Variants in AGPS observed in about 807,000 individuals in gnomAD.
The protein encoded by AGPS is alkyldihydroxyacetonephosphate synthase, peroxisomal.
In AGPS, 26 loss-of-function variants were observed where a neutral mutation model predicts 90.7. The observed-to-expected ratio is 0.29, with a 90% CI of 0.21 to 0.40. The LOEUF is 0.40. AGPS is among the 10% of genes least tolerant of loss of function. AGPS has a pLI of 1.00. For missense variants in AGPS, 540 were observed against 816.1 expected (o/e 0.66, Z 4.12); for synonymous variants, 294 against 285.3 (o/e 1.03, Z -0.31).
At chr2:177,511,192 T>A (rs564983616) in intron 16 of AGPS, among the ~76,000 whole-genome samples, 3 of 152,258 alleles carry the variant, frequency 2.0e-5, no homozygotes, top group Admixed American at 2.0e-4. Context: ...CTTGACTGCC[T>A]GGGCTCAAAT....
At chr2:177,402,664 C>T (rs976083509) in intron 1 of AGPS, among the ~76,000 whole-genome samples, 1 of 152,126 alleles carries the variant, frequency 6.6e-6, no homozygotes, top group African/African-American at 2.4e-5. Context: ...TTAAAACATA[C>T]GGTTAAGTGC....
intron 17 of AGPS, among the ~76,000 whole-genome samples, chr2:177,519,966 C>G (rs980928180): frequency 6.6e-6 from 1 of 152,186 alleles, no homozygotes; most frequent in African/African-American, 2.4e-5. Context: ...ATTATTCATG[C>G]CTCCCCTTTT....
chr2:177,393,534 G>C, intron 1 of AGPS: 1 of 985,312 alleles, frequency 1.0e-6, no homozygotes, highest in Non-Finnish European at 1.2e-6. Context: ...TGGTTTCTGT[G>C]GGGTAAGTTC....
At chr2:177,477,788 C>G (rs1236073978) in intron 10 of AGPS, among the ~76,000 whole-genome samples, 7 of 152,114 alleles carry the variant, frequency 4.6e-5, no homozygotes, top group African/African-American at 1.2e-4. Flanking sequence ...CTTTCACTCA[C>G]TTCTTTTGTG....
Position 177,482,103 on chromosome 2 carries a change from G to T in AGPS, c.1150G>T (p.Val384Phe). ...AGAAGCTACAATAAAAATCAGACCA[G>T]TCCCTGAATACCAAAAGTATGGCTC... ...ITEATIKIRPVPEYQKYGSVA... is the reference protein window; with the variant it reads ...ITEATIKIRPFPEYQKYGSVA... The change falls in exon 11 of 20, where the codon GTC (valine) becomes TTC (phenylalanine). Residue 384 changes from valine (V) to phenylalanine (F), a missense_variant. Val to Phe is a conservative substitution (Grantham distance 50, BLOSUM62 -1). Coordinates refer to ENST00000264167, the MANE Select transcript of AGPS (RefSeq NM_003659.4). 1 of 1,605,414 alleles carries T rather than the reference G, an allele frequency of 6.2e-7. No homozygotes were observed. Among genetic ancestry groups the T allele is most frequent in the Non-Finnish European group, 8.5e-7 (1 of 1,174,406 alleles).
chr2:177,530,290 A>T (rs938657940), intron 19 of AGPS, among the ~76,000 whole-genome samples: 2 of 152,344 alleles, frequency 1.3e-5, no homozygotes, highest in South Asian at 4.1e-4. Flanking sequence ...TGTTATTTTC[A>T]TAATAGCTTT....
intron 8 of AGPS, among the ~76,000 whole-genome samples, chr2:177,458,716 G>A (rs1304310392): frequency 2.0e-5 from 3 of 152,164 alleles, no homozygotes; most frequent in Non-Finnish European, 4.4e-5. Context: ...TCATGGATAG[G>A]AAGAATCAAT....
rs370124842 is a variant in AGPS at position 177,392,815 on chromosome 2, G to C, written c.26G>C (p.Gly9Ala). 4 of 1,541,182 alleles carry C rather than the reference G, an allele frequency of 2.6e-6. No individual in the cohort carries two copies. The African/African-American group carries it at 5.6e-5, about 22-fold the overall frequency. MAEAAAAA[G>A]GTGLGAGASY... is the part of the protein sequence containing the mutation. Reference sequence around the variant, plus strand: ...ATGGCGGAGGCGGCGGCTGCAGCGGGTGGGACTGGCTTGGGCGCGGGCGCG... The same window carrying C: ...ATGGCGGAGGCGGCGGCTGCAGCGGCTGGGACTGGCTTGGGCGCGGGCGCG... Residue 9 changes from glycine (G) to alanine (A), a missense_variant, in exon 1 of 20, where the codon GGT becomes GCT. Transcript: ENST00000264167.
intron 6 of AGPS, among the ~76,000 whole-genome samples, chr2:177,442,154 G>T (rs1382089973): frequency 1.3e-5 from 2 of 152,132 alleles, no homozygotes; most frequent in African/African-American, 4.8e-5. Flanking sequence ...CTTGAGTGTG[G>T]CATTTCCAGG....
At chr2:177,465,876 T>A (rs2084967) in intron 9 of AGPS, among the ~76,000 whole-genome samples, 1 of 152,214 alleles carries the variant, frequency 6.6e-6, no homozygotes, top group Non-Finnish European at 1.5e-5. Context: ...AAACAAGGGG[T>A]GTGTTTCAGC....
chr2:177,475,671 A>G (rs1451313719), intron 10 of AGPS, among the ~76,000 whole-genome samples: 1 of 152,138 alleles, frequency 6.6e-6, no homozygotes, highest in Non-Finnish European at 1.5e-5. Context: ...ATTCCACCGC[A>G]TGCATATTCT....
intron 16 of AGPS, among the ~76,000 whole-genome samples, chr2:177,509,106 C>CT (rs1430692368): frequency 6.6e-6 from 1 of 152,154 alleles, no homozygotes; most frequent in Non-Finnish European, 1.5e-5. Context: ...TCCAATCCCT[C>CT]TTTTTTCCCC....
At chr2:177,455,885 C>A (rs6743013) in intron 8 of AGPS, among the ~76,000 whole-genome samples, 152,209 of 152,298 alleles carry the variant, frequency 1, 76,060 homozygotes, top group Middle Eastern at 1. Context: ...GCTTGTAGTC[C>A]GTAAATATTT....
chr2:177,489,917 G>A (rs1201205718), intron 11 of AGPS, among the ~76,000 whole-genome samples: 6 of 152,112 alleles, frequency 3.9e-5, no homozygotes, highest in Non-Finnish European at 1.5e-5. Context: ...TTTAACTCAA[G>A]GACCTTTTTC....
chr2:177,411,639 A>G (rs904455682), intron 1 of AGPS, among the ~76,000 whole-genome samples: 1 of 152,196 alleles, frequency 6.6e-6, no homozygotes, highest in Non-Finnish European at 1.5e-5. Flanking sequence ...CAGTAACATT[A>G]TATTTTTCCA....
At chr2:177,480,325 C>T (rs1559065648) in intron 10 of AGPS, among the ~76,000 whole-genome samples, 1 of 151,850 alleles carries the variant, frequency 6.6e-6, no homozygotes, top group Non-Finnish European at 1.5e-5. Context: ...TTGGAACCAA[C>T]CCAAATGTCC....
intron 5 of AGPS, 93 bp downstream of exon 5, chr2:177,437,147 G>A: frequency 1.7e-6 from 2 of 1,203,752 alleles, no homozygotes; most frequent in Non-Finnish European, 2.5e-6. Context: ...CATATGAGTT[G>A]TAAAAAATAT....
At chr2:177,413,628 A>G (rs577084476) in intron 1 of AGPS, among the ~76,000 whole-genome samples, 8 of 152,220 alleles carry the variant, frequency 5.3e-5, no homozygotes, top group Non-Finnish European at 1.2e-4. Flanking sequence ...ACAAGAGTCC[A>G]AGTGAAGGAT....
chr2:177,534,869 G>C (rs931393392), intron 19 of AGPS, among the ~76,000 whole-genome samples: 1 of 151,700 alleles, frequency 6.6e-6, no homozygotes, highest in African/African-American at 2.4e-5. Flanking sequence ...AAAATGTTGG[G>C]ATTACAAGCA....
Sources: allele counts gnomAD v4.1 joint callset (sites outside exome capture counted in the v4.1 genomes callset), GRCh38; gene constraint gnomAD v4.1.1; transcripts MANE v1.5; gene names NCBI Gene and HGNC (gene_info 2026-07-23, HGNC 2026-07-21).